CHD6: variants seen among roughly 807,000 people sequenced by gnomAD.
CHD6 encodes ATP-dependent chromatin remodeler CHD6.
Under a neutral mutation model 276.9 loss-of-function variants are expected in CHD6, and 50 were observed. The ratio of observed to expected loss-of-function variants is 0.18; its 90% CI spans 0.14 to 0.23. The LOEUF (loss-of-function observed/expected upper bound fraction) is 0.23. CHD6 is among the 10% of genes least tolerant of loss of function. CHD6 has a pLI of 1.00. For synonymous variants in CHD6, 1,173 were observed against 1,229.3 expected, an observed-to-expected ratio of 0.95 and a Z score of 0.96; for missense variants, 2,564 against 3,365.8, an observed-to-expected ratio of 0.76 and a Z score of 5.89.
intron 23 of CHD6, 89 bp downstream of exon 23, chr20:41,450,857 A>G: frequency 1.7e-6 from 2 of 1,210,204 alleles, no homozygotes; most frequent in African/African-American, 1.5e-5. Flanking sequence ...GTAGCACAAG[A>G]GCATGAAGTG....
chr20:41,600,082 G>A lies in CHD6; in HGVS notation c.-24+18258C>T, dbSNP rs555835544. ...ATTTTCTAAGTGCTGGTTTTTCTTTGTGGCACCGAGCACTTGTCTGTAACA... is the reference window on the plus strand; with the variant it reads ...ATTTTCTAAGTGCTGGTTTTTCTTTATGGCACCGAGCACTTGTCTGTAACA... On this transcript the variant is annotated intron_variant, in intron 1 of 36. Transcript: ENST00000373233. 7.2e-5 allele frequency among the ~76,000 whole-genome samples: 11 copies of A among 152,270 alleles called. No individual in the cohort carries two copies. In the South Asian group the frequency reaches 2.3e-3, roughly 32 times the overall value.
In CHD6 at chr20:41,415,398, C is replaced by T. The variant is rs1238143917; in HGVS notation, c.6727G>A (p.Gly2243Arg). The T allele has an allele frequency of 1.2e-6, 2 of 1,613,416 alleles. No homozygotes were observed. The highest frequency in any genetic ancestry group is 2.2e-5 in the East Asian group (1 of 44,870). ...GCTCCCTGAAGTGAACTGATAGCCC[C>T]AATCTTAGGGGTGCTGGCGCTCACT... is the stretch of plus-strand genomic sequence containing the variant. The part of the protein sequence containing the change: ...FPVSASTPKI[G>R]AISSLQGALG... The change falls in exon 34 of 37, where the codon GGG (glycine) becomes AGG (arginine). Residue 2243 changes from glycine to arginine, a missense_variant. Around this residue, in one of 7 missense-constraint regions of CHD6, gnomAD observed 1,024 missense variants for 1,047.9 expected, o/e 0.98. Transcript: ENST00000373233.
At chr20:41,412,357 C>G (rs934059732) in intron 35 of CHD6, 94 bp from the exon 36 acceptor site, 1 of 1,423,936 alleles carries the variant, frequency 7.0e-7, no homozygotes, top group South Asian at 1.3e-5. Flanking sequence ...CTATTGTTCT[C>G]GTCAATGGTT....
chr20:41,561,538 C>T (rs2045301480), intron 1 of CHD6, among the ~76,000 whole-genome samples: 1 of 152,152 alleles, frequency 6.6e-6, no homozygotes, highest in South Asian at 2.1e-4. Flanking sequence ...ACCATCCTCC[C>T]AGAGACTCAC....
At chr20:41,600,162 AT>A in intron 1 of CHD6, among the ~76,000 whole-genome samples, 1 of 152,274 alleles carries the variant, frequency 6.6e-6, no homozygotes, top group South Asian at 2.1e-4. Context: ...CAGGAACTGT[AT>A]TTATCTTTTA....
chr20:41,433,252 A>G (rs563484221), intron 27 of CHD6, among the ~76,000 whole-genome samples: 4 of 152,240 alleles, frequency 2.6e-5, no homozygotes, highest in Non-Finnish European at 4.4e-5. Context: ...CAGAAATCAG[A>G]TTTAAGAAGA....
At chr20:41,407,108 G>T (rs927295364) in intron 36 of CHD6, among the ~76,000 whole-genome samples, 7 of 152,248 alleles carry the variant, frequency 4.6e-5, no homozygotes, top group Non-Finnish European at 1.0e-4. Flanking sequence ...GGAGCAGCAT[G>T]AGACAGGAGA....
intron 25 of CHD6, among the ~76,000 whole-genome samples, chr20:41,440,757 GT>G (rs1486705855): frequency 4.6e-5 from 7 of 152,154 alleles, no homozygotes; most frequent in African/African-American, 1.7e-4. Flanking sequence ...CCCTGATTTT[GT>G]TTGATAAAGT....
intron 1 of CHD6, among the ~76,000 whole-genome samples, chr20:41,594,804 G>A (rs1601179593): frequency 1.3e-5 from 2 of 152,286 alleles, no homozygotes; most frequent in South Asian, 2.1e-4. Flanking sequence ...CTAGCCAATC[G>A]GGTCAGCTTA....
intron 1 of CHD6, among the ~76,000 whole-genome samples, chr20:41,599,222 CATG>C (rs1265760779): frequency 2.0e-5 from 3 of 152,180 alleles, no homozygotes; most frequent in African/African-American, 7.2e-5. Context: ...TAGCCCTGGA[CATG>C]ATATTAGCCA....
intron 10 of CHD6, among the ~76,000 whole-genome samples, 161 bp downstream of exon 10, chr20:41,493,377 G>T (rs1174934958): frequency 6.6e-6 from 1 of 152,072 alleles, no homozygotes; most frequent in Non-Finnish European, 1.5e-5. Flanking sequence ...GGGAAAGTTC[G>T]ATCTGGGGTG....
chr20:41,555,085 G>A (rs1387988434), intron 1 of CHD6, among the ~76,000 whole-genome samples: 18 of 146,780 alleles, frequency 1.2e-4, no homozygotes, highest in East Asian at 2.1e-4. Flanking sequence ...CCTCCTGGAC[G>A]GGGCGGCTTG....
At chr20:41,418,761 A>C (rs1291484482) in intron 31 of CHD6, among the ~76,000 whole-genome samples, 2 of 152,098 alleles carry the variant, frequency 1.3e-5, no homozygotes, top group Non-Finnish European at 2.9e-5. Flanking sequence ...CCCACACCTC[A>C]TATGTGTGGA....
At chr20:41,508,439 T>C (rs1378732374) in intron 5 of CHD6, among the ~76,000 whole-genome samples, 1 of 152,170 alleles carries the variant, frequency 6.6e-6, no homozygotes, top group Middle Eastern at 3.2e-3. Context: ...CCTGGTATTT[T>C]GGGAAAGTTA....
chr20:41,431,793 C>CTTTTTTTTTT (rs2047546842), intron 27 of CHD6, among the ~76,000 whole-genome samples: 1 of 76,364 alleles, frequency 1.3e-5, no homozygotes, highest in Non-Finnish European at 2.6e-5. Flanking sequence ...TTTTTTTTTG[C>CTTTTTTTTTT]TTCATATATC....
At chr20:41,606,314 AC>A (rs1272085286) in intron 1 of CHD6, among the ~76,000 whole-genome samples, 2 of 152,190 alleles carry the variant, frequency 1.3e-5, no homozygotes, top group Non-Finnish European at 2.9e-5. Context: ...GATCAAGACC[AC>A]CCTGGCTAAC....
intron 30 of CHD6, among the ~76,000 whole-genome samples, chr20:41,423,038 G>A (rs1287726642): frequency 6.6e-6 from 1 of 152,140 alleles, no homozygotes; most frequent in Non-Finnish European, 1.5e-5. Context: ...TTTTCAAAAG[G>A]GTTCTCTATT....
chr20:41,523,129 G>A (rs2044444238), intron 3 of CHD6, among the ~76,000 whole-genome samples: 1 of 152,062 alleles, frequency 6.6e-6, no homozygotes, highest in Non-Finnish European at 1.5e-5. Context: ...AAACTGCCTT[G>A]GTCTCAACTA....
chr20:41,524,078 A>C (rs1465144139), intron 3 of CHD6, among the ~76,000 whole-genome samples: 1 of 151,994 alleles, frequency 6.6e-6, no homozygotes, highest in Non-Finnish European at 1.5e-5. Context: ...AGGAACCACT[A>C]CTCCACTCCA....
Sources: allele counts gnomAD v4.1 joint callset (sites outside exome capture counted in the v4.1 genomes callset), GRCh38; gene constraint gnomAD v4.1.1; regional missense constraint gnomAD v4.1.1; transcripts MANE v1.5; gene names NCBI Gene and HGNC (gene_info 2026-07-23, HGNC 2026-07-21).